The following ATXN1 variants were observed in gnomAD, a reference collection of about 807,000 sequenced individuals.
The protein encoded by ATXN1 is ataxin-1.
ATXN1 carries 8 observed loss-of-function variants against 56.4 expected under a neutral mutation model. That is an observed-to-expected ratio of 0.14 (90% CI 0.08 to 0.26). The LOEUF (loss-of-function observed/expected upper bound fraction) is 0.26, where lower values mean the gene tolerates loss of function less well. Ranked by LOEUF, ATXN1 falls within the 10% of genes least tolerant of loss-of-function variation. The probability of loss-of-function intolerance (pLI) is 1.00; values close to 1 mark genes in which losing one functional copy is unlikely to be tolerated. For synonymous variants in ATXN1, 514 were observed against 494.6 expected, an observed-to-expected ratio of 1.04 and a Z score of -0.52; for missense variants, 987 against 1,106.5, an observed-to-expected ratio of 0.89 and a Z score of 1.53.
intron 3 of ATXN1, among the ~76,000 whole-genome samples, chr6:16,588,796 G>A (rs1021548796): frequency 2.0e-5 from 3 of 152,060 alleles, no homozygotes; most frequent in African/African-American, 7.3e-5. Flanking sequence ...AGGAGGGAAG[G>A]AGGAAGGGAG....
At chr6:16,418,167 T>A (rs1758955498) in intron 6 of ATXN1, among the ~76,000 whole-genome samples, 1 of 152,236 alleles carries the variant, frequency 6.6e-6, no homozygotes, top group Non-Finnish European at 1.5e-5. Flanking sequence ...GCTCATTAAA[T>A]GAAAGAATTA....
At chr6:16,534,274 A>G (rs773262480) in intron 4 of ATXN1, among the ~76,000 whole-genome samples, 9 of 152,044 alleles carry the variant, frequency 5.9e-5, no homozygotes, top group Non-Finnish European at 1.2e-4. Context: ...TTTAACCAAT[A>G]TGCAGTAAAA....
intron 2 of ATXN1, among the ~76,000 whole-genome samples, chr6:16,688,285 T>C (rs909036585): frequency 1.3e-5 from 2 of 152,366 alleles, no homozygotes; most frequent in Non-Finnish European, 2.9e-5. Context: ...ATCTGTCTCT[T>C]GGGGTCTCCC....
chr6:16,495,347 G>A (rs1760758320), intron 5 of ATXN1, among the ~76,000 whole-genome samples: 1 of 152,130 alleles, frequency 6.6e-6, no homozygotes, highest in South Asian at 2.1e-4. Flanking sequence ...ACTTCACAAA[G>A]TACCAAACGG....
intron 3 of ATXN1, among the ~76,000 whole-genome samples, chr6:16,589,896 C>T (rs1762692312): frequency 6.6e-6 from 1 of 152,158 alleles, no homozygotes; most frequent in Non-Finnish European, 1.5e-5. Context: ...TCCGTTGCAA[C>T]TGAAGGACTA....
intron 6 of ATXN1, among the ~76,000 whole-genome samples, chr6:16,418,172 G>T (rs561527252): frequency 3.3e-5 from 5 of 152,306 alleles, no homozygotes; most frequent in South Asian, 4.1e-4. Flanking sequence ...TTAAATGAAA[G>T]AATTAATGCA....
intron 1 of ATXN1, among the ~76,000 whole-genome samples, chr6:16,759,916 A>T (rs1761018091): frequency 6.6e-6 from 1 of 152,108 alleles, no homozygotes; most frequent in Non-Finnish European, 1.5e-5. Flanking sequence ...GGCGCTGCAG[A>T]GTCAGCCAAG....
chr6:16,378,248 T>C (rs1762183021), intron 6 of ATXN1, among the ~76,000 whole-genome samples: 1 of 152,238 alleles, frequency 6.6e-6, no homozygotes, highest in South Asian at 2.1e-4. Context: ...CCCTGGTCTG[T>C]CCTAACTCAG....
intron 6 of ATXN1, among the ~76,000 whole-genome samples, chr6:16,361,716 T>C (rs1444228291): frequency 1.3e-5 from 2 of 152,204 alleles, no homozygotes; most frequent in Admixed American, 6.5e-5. Flanking sequence ...CTTCTCCTCC[T>C]CCTACAATCC....
intron 7 of ATXN1, among the ~76,000 whole-genome samples, chr6:16,314,677 A>ACTAT (rs1362002923): frequency 1.3e-5 from 2 of 151,748 alleles, no homozygotes; most frequent in African/African-American, 4.8e-5. Context: ...ATGTAGTGGC[A>ACTAT]CTATCTCGGC....
intron 6 of ATXN1, among the ~76,000 whole-genome samples, chr6:16,399,490 A>G (rs179939): frequency 0.89 from 135,015 of 152,264 alleles, 60,062 homozygotes; most frequent in East Asian, 1. Context: ...TTCTAAAGAC[A>G]GAAATAGCGA....
chr6:16,357,123 T>G (rs1301343064), intron 6 of ATXN1, among the ~76,000 whole-genome samples: 4 of 152,206 alleles, frequency 2.6e-5, no homozygotes, highest in African/African-American at 9.6e-5. Flanking sequence ...TTATAGTTAT[T>G]CCATTTATAA....
intron 7 of ATXN1, among the ~76,000 whole-genome samples, chr6:16,321,037 G>A (rs977009459): frequency 7.2e-5 from 11 of 152,158 alleles, no homozygotes; most frequent in Admixed American, 4.6e-4. Flanking sequence ...CTCAGGGCCC[G>A]AGCCATCTAA....
chr6:16,710,379 C>G (rs995422344), intron 2 of ATXN1, among the ~76,000 whole-genome samples: 6 of 152,016 alleles, frequency 3.9e-5, no homozygotes, highest in South Asian at 2.1e-4. Context: ...TTAAATTTCT[C>G]TCTTATGATT....
intron 6 of ATXN1, among the ~76,000 whole-genome samples, chr6:16,366,254 C>T (rs577264410): frequency 2.0e-3 from 302 of 152,278 alleles, no homozygotes; most frequent in African/African-American, 7.0e-3. Context: ...CACTTGTCCT[C>T]TTGGAGGTCA....
At chr6:16,375,258 A>G (rs887568012) in intron 6 of ATXN1, among the ~76,000 whole-genome samples, 1 of 152,244 alleles carries the variant, frequency 6.6e-6, no homozygotes, top group Admixed American at 6.5e-5. Context: ...TTATTGCCCA[A>G]GCTTAACTTC....
intron 4 of ATXN1, among the ~76,000 whole-genome samples, chr6:16,543,090 T>C (rs541484448): frequency 6.6e-6 from 1 of 152,246 alleles, no homozygotes; most frequent in African/African-American, 2.4e-5. Flanking sequence ...ATGCATAAAA[T>C]CACAGCATGT....
chr6:16,550,479 T>C (rs1293684152), intron 4 of ATXN1, among the ~76,000 whole-genome samples: 1 of 152,362 alleles, frequency 6.6e-6, no homozygotes, highest in South Asian at 2.1e-4. Context: ...ACAGTAGGCA[T>C]AATTATTAGG....
chr6:16,454,951 CA>C (rs1171491878), intron 6 of ATXN1, among the ~76,000 whole-genome samples: 2 of 152,086 alleles, frequency 1.3e-5, no homozygotes, highest in Admixed American at 6.6e-5. Flanking sequence ...AGCTCACCTT[CA>C]GGGGGACTCA....
Sources: gnomAD v4.1 joint callset for allele counts (sites outside exome capture counted in the v4.1 genomes callset) on GRCh38, gnomAD v4.1.1 for gene constraint, MANE v1.5 for transcripts, NCBI Gene and HGNC (gene_info 2026-07-23, HGNC 2026-07-21) for gene names.